Variants in ZBTB7C observed in about 807,000 individuals in gnomAD.
ZBTB7C encodes the protein zinc finger and BTB domain containing 7C, also known as zinc finger and BTB domain-containing protein 7C.
In ZBTB7C, 8 loss-of-function variants were observed where a neutral mutation model predicts 25.7. The ratio of observed to expected loss-of-function variants is 0.31; its 90% confidence interval spans 0.18 to 0.56. The LOEUF (loss-of-function observed/expected upper bound fraction) is 0.56. Ranked by LOEUF, ZBTB7C falls within the 20% of genes least tolerant of loss-of-function variation. ZBTB7C has a pLI of 0.91. For missense variants in ZBTB7C, 824 were observed against 855.2 expected (o/e 0.96, Z 0.46); for synonymous variants, 394 against 369.0 (o/e 1.07, Z -0.78).
Position 48,029,269 on chromosome 18 carries a change from G to A in ZBTB7C, c.1851C>T (p.Ala617=). 1 of 1,538,056 alleles carries A rather than the reference G, an allele frequency of 6.5e-7. No homozygotes were observed. Among genetic ancestry groups the A allele is most frequent in the Non-Finnish European group, 8.7e-7 (1 of 1,148,950 alleles). Residue 617 remains alanine (A), a synonymous_variant, in exon 5 of 5, where the codon GCC becomes GCT. Transcript: ENST00000590800. ...GLNHVASMSE[A]NN Reference sequence around the variant, plus strand: ...GCCGACAGGGACCAGCCTAGTTGTTGGCTTCGGACATGGAGGCCACGTGGT... The same window carrying A: ...GCCGACAGGGACCAGCCTAGTTGTTAGCTTCGGACATGGAGGCCACGTGGT...
intron 3 of ZBTB7C, chr18:48,185,250 G>A: frequency 2.5e-6 from 1 of 399,412 alleles, no homozygotes; most frequent in Admixed American, 3.1e-5. Flanking sequence ...TCCTTCTCCA[G>A]GAAGTCTTCC....
At position 48,161,780 on chromosome 18, in the gene ZBTB7C, G is replaced by T. The variant is rs1035127225; in HGVS notation, c.-17+24154C>A. 2.4e-5 allele frequency among the ~76,000 whole-genome samples: 3 copies of T among 124,108 alleles called. No individual in the cohort carries two copies. The Admixed American group carries it at 2.5e-4, about 10-fold the overall frequency. The allele number at this position is 124,108 out of a possible 152,430, so 81.4% of individuals were successfully genotyped here. ...ATCCCCGCCCCTTCCCGGGCGCCCCGCCCTCTCCCTCCACTCTGCGCCCCC... is the reference window on the plus strand; with the variant it reads ...ATCCCCGCCCCTTCCCGGGCGCCCCTCCCTCTCCCTCCACTCTGCGCCCCC... On this transcript the variant is annotated intron_variant, in intron 3 of 4. Transcript: ENST00000590800.
intron 3 of ZBTB7C, among the ~76,000 whole-genome samples, chr18:48,121,949 A>ACCTG (rs2039644253): frequency 6.6e-6 from 1 of 152,176 alleles, no homozygotes; most frequent in Non-Finnish European, 1.5e-5. Flanking sequence ...AGGATACAGC[A>ACCTG]TTAAGGCCTG....
chr18:48,395,285 G>A (rs1419906831), intron 1 of ZBTB7C, among the ~76,000 whole-genome samples: 14 of 102,470 alleles, frequency 1.4e-4, no homozygotes, highest in African/African-American at 4.1e-4. Flanking sequence ...GTGTGTGTGT[G>A]TGTGTGTGTG....
At chr18:48,156,589 C>G (rs1477401455) in intron 3 of ZBTB7C, among the ~76,000 whole-genome samples, 17 of 152,140 alleles carry the variant, frequency 1.1e-4, no homozygotes. Context: ...GATGGAGCCA[C>G]CAGATTGAAG....
chr18:48,397,685 T>C (rs1425363824), intron 1 of ZBTB7C, among the ~76,000 whole-genome samples: 1 of 152,230 alleles, frequency 6.6e-6, no homozygotes, highest in Non-Finnish European at 1.5e-5. Flanking sequence ...GTCTCACAAC[T>C]TGCCAACTCT....
intron 3 of ZBTB7C, among the ~76,000 whole-genome samples, chr18:48,129,746 G>C (rs1196227569): frequency 6.6e-6 from 1 of 152,172 alleles, no homozygotes; most frequent in Non-Finnish European, 1.5e-5. Context: ...AGGCAGAAAT[G>C]CAACCCTTGG....
intron 1 of ZBTB7C, among the ~76,000 whole-genome samples, chr18:48,368,651 C>T: frequency 6.6e-6 from 1 of 152,244 alleles, no homozygotes; most frequent in East Asian, 1.9e-4. Flanking sequence ...CACAGTCAAA[C>T]TTCTGAAAAT....
chr18:48,359,194 C>T (rs2047046465), intron 1 of ZBTB7C, among the ~76,000 whole-genome samples: 1 of 152,180 alleles, frequency 6.6e-6, no homozygotes, highest in African/African-American at 2.4e-5. Context: ...TGGTGGCCAT[C>T]ACCCCCATGA....
chr18:48,143,207 G>A (rs773924223), intron 3 of ZBTB7C, among the ~76,000 whole-genome samples: 13 of 152,140 alleles, frequency 8.5e-5, no homozygotes, highest in Non-Finnish European at 1.3e-4. Flanking sequence ...AGGGTGGGGA[G>A]GTGACTTGCC....
intron 2 of ZBTB7C, chr18:48,252,328 A>G (rs1218663057): frequency 5.3e-5 from 8 of 152,136 alleles, no homozygotes; most frequent in Non-Finnish European, 7.3e-5. Flanking sequence ...TTGTGAAGGT[A>G]TTGTGAGTTG....
intron 2 of ZBTB7C, among the ~76,000 whole-genome samples, chr18:48,197,808 A>C (rs1378841153): frequency 6.6e-6 from 1 of 152,196 alleles, no homozygotes; most frequent in Non-Finnish European, 1.5e-5. Flanking sequence ...TACTCCAAAT[A>C]CAGCCATATT....
intron 3 of ZBTB7C, among the ~76,000 whole-genome samples, chr18:48,066,269 T>A (rs1398767221): frequency 6.6e-6 from 1 of 152,162 alleles, no homozygotes; most frequent in East Asian, 1.9e-4. Context: ...GCCAGACTCT[T>A]TGGAACACAA....
At chr18:48,181,361 C>G (rs1418400977) in intron 3 of ZBTB7C, among the ~76,000 whole-genome samples, 1 of 152,174 alleles carries the variant, frequency 6.6e-6, no homozygotes, top group Non-Finnish European at 1.5e-5. Flanking sequence ...CAGCATTTTA[C>G]CACCTGGCAG....
intron 3 of ZBTB7C, among the ~76,000 whole-genome samples, chr18:48,089,712 G>C (rs1459868859): frequency 6.6e-6 from 1 of 152,142 alleles, no homozygotes; most frequent in Non-Finnish European, 1.5e-5. Flanking sequence ...GATGCTTCTG[G>C]TTCAAGGGCC....
intron 2 of ZBTB7C, among the ~76,000 whole-genome samples, chr18:48,253,134 T>G (rs558047032): frequency 6.6e-6 from 1 of 151,878 alleles, no homozygotes; most frequent in Admixed American, 6.5e-5. Context: ...TTCACTCAGA[T>G]TTGTGTGGGT....
chr18:48,030,113 C>T (rs765198382), intron 4 of ZBTB7C, among the ~76,000 whole-genome samples: 15 of 152,084 alleles, frequency 9.9e-5, no homozygotes, highest in African/African-American at 3.6e-4. Context: ...TAAAGGGATG[C>T]GGAAAAAGCA....
chr18:48,212,884 A>C, intron 2 of ZBTB7C, among the ~76,000 whole-genome samples: 1 of 152,074 alleles, frequency 6.6e-6, no homozygotes, highest in Non-Finnish European at 1.5e-5. Context: ...AACTTCGAAG[A>C]ATGCTGAAAA....
intron 2 of ZBTB7C, among the ~76,000 whole-genome samples, chr18:48,205,940 A>C (rs954091409): frequency 1.4e-4 from 22 of 152,280 alleles, no homozygotes; most frequent in African/African-American, 4.8e-4. Flanking sequence ...ATGAGTGCTT[A>C]CCTATTTACT....
Sources: allele counts gnomAD v4.1 joint callset (sites outside exome capture counted in the v4.1 genomes callset), GRCh38; gene constraint gnomAD v4.1.1; transcripts MANE v1.5; gene names NCBI Gene and HGNC (gene_info 2026-07-23, HGNC 2026-07-21).